Variants in UNCX observed in about 807,000 individuals in gnomAD.
UNCX encodes UNC homeobox, also known as homeobox protein unc-4 homolog.
A neutral mutation model predicts 14.8 loss-of-function variants in UNCX; 4 were observed. The observed-to-expected ratio is 0.27, with a 90% CI of 0.13 to 0.62. UNCX has a LOEUF of 0.62. Ranked by LOEUF, UNCX falls within the 20% of genes least tolerant of loss-of-function variation. The pLI is 0.86. For missense variants in UNCX, 749 were observed against 786.8 expected, an observed-to-expected ratio of 0.95 and a Z score of 0.58; for synonymous variants, 459 against 395.8, an observed-to-expected ratio of 1.16 and a Z score of -1.90.
rs1192605247 is a variant in UNCX at position 1,234,000 on chromosome 7, A to G, written c.450+305A>G. Reference sequence around the variant, plus strand: ...TGGTGGGTTGGCGGAGGCCGGGCCAAGTGAGGTCTCCAGGCAGGGGCGAGG... The same window carrying G: ...TGGTGGGTTGGCGGAGGCCGGGCCAGGTGAGGTCTCCAGGCAGGGGCGAGG... On this transcript the variant is annotated intron_variant, in intron 2 of 2. Coordinates refer to ENST00000316333, the MANE Select transcript of UNCX (RefSeq NM_001080461.3). The surrounding 1 kb of genome is among the most constrained non-coding windows in gnomAD (Gnocchi z 5.3). Among the ~76,000 whole-genome samples the G allele has an allele frequency of 1.3e-5, 2 of 152,122 alleles. No individual in the cohort carries two copies. Among genetic ancestry groups the G allele is most frequent in the Non-Finnish European group, 2.9e-5 (2 of 68,016 alleles).
rs1215931549 is a variant in UNCX at position 1,236,435 on chromosome 7, G to A, written c.1054G>A (p.Ala352Thr). The change falls in exon 3 of 3, where the codon GCC becomes ACC. Residue 352 changes from alanine to threonine, a missense_variant. Ala to Thr is a moderately conservative substitution (Grantham distance 58). Transcript: ENST00000316333. The surrounding 1 kb of genome is among the most constrained non-coding windows in gnomAD (Gnocchi z 6.9). The part of the protein sequence containing the change: ...PPRRKAASNA[A>T]AAAAAGLDFA... ...GCGCCGGAAAGCCGCTTCCAACGCC[G>A]CCGCCGCCGCCGCCGCGGGGCTGGA... is the stretch of plus-strand genomic sequence containing the variant. 2.2e-6 allele frequency: 3 copies of A among 1,355,528 alleles called. No individual in the cohort carries two copies. The highest frequency in any genetic ancestry group is 3.3e-5 in the Admixed American group (1 of 30,602). 84.0% of individuals were successfully genotyped at this position (1,355,528 alleles called of 1,614,324 possible).
In UNCX at chr7:1,236,106, T is replaced by G; in HGVS notation, c.725T>G (p.Leu242Arg). Residue 242 changes from leucine to arginine, a missense_variant, in exon 3 of 3, where the codon CTG (leucine) becomes CGG (arginine). This residue lies in a region of UNCX where 552 missense variants were observed against 507.2 expected (regional missense o/e 1.09). Coordinates refer to ENST00000316333, the MANE Select transcript of UNCX (RefSeq NM_001080461.3). The surrounding 1 kb of genome is among the most constrained non-coding windows in gnomAD (Gnocchi z 6.9). ...SSDSDSGGGG[L>R]SPEPPEPPPP... ...GACAGCGACAGCGGCGGCGGCGGCC[T>G]GTCTCCGGAGCCGCCCGAGCCGCCG... The G allele has an allele frequency of 6.6e-7, 1 of 1,506,600 alleles. No individual in the cohort carries two copies. The highest frequency in any genetic ancestry group is 8.9e-7 in the Non-Finnish European group (1 of 1,124,976). The allele number at this position is 1,506,600 out of a possible 1,614,324, so 93.3% of individuals were successfully genotyped here.
At position 1,236,491 on chromosome 7, in the gene UNCX, G is replaced by T; in HGVS notation, c.1110G>T (p.Arg370=). ...DFAPGLPCAP[R]TLIGKGHFLL... ...CGCCCGGGCTGCCGTGCGCGCCGCG[G>T]ACCCTGATCGGCAAGGGCCACTTCC... Residue 370 remains arginine, a synonymous_variant, in exon 3 of 3, where the codon CGG becomes CGT. Transcript: ENST00000316333. This position sits in a 1 kb window ranked among gnomAD's most constrained non-coding sequence, Gnocchi z 6.9. 1 of 1,401,226 alleles carries T rather than the reference G, an allele frequency of 7.1e-7. No individual in the cohort carries two copies. The highest frequency in any genetic ancestry group is 1.4e-5 in the South Asian group (1 of 72,832). The allele number at this position is 1,401,226 out of a possible 1,614,324, so 86.8% of individuals were successfully genotyped here. A position where few individuals can be genotyped will look rare whatever the true frequency, so the allele number is the denominator to read the frequency against.
Position 1,236,549 on chromosome 7 carries a change from C to G in UNCX, c.1168C>G (p.Leu390Val). The G allele has an allele frequency of 7.3e-7, 1 of 1,372,936 alleles. No individual in the cohort carries two copies. The highest frequency in any genetic ancestry group is 9.5e-7 in the Non-Finnish European group (1 of 1,053,550). The allele number at this position is 1,372,936 out of a possible 1,614,324, so 85.0% of individuals were successfully genotyped here. ...LYPITQPLGF[L>V]VPQAALKGGA... ...CCCCATCACGCAGCCGCTCGGCTTC[C>G]TGGTGCCGCAGGCCGCGCTCAAGGG... The change falls in exon 3 of 3, where the codon CTG becomes GTG. Residue 390 changes from leucine to valine, a missense_variant. Leu to Val is a conservative substitution (Grantham distance 32). Coordinates refer to ENST00000316333, the MANE Select transcript of UNCX (RefSeq NM_001080461.3). This position sits in a 1 kb window ranked among gnomAD's most constrained non-coding sequence, Gnocchi z 6.9.
Position 1,236,512 on chromosome 7 carries a change from CT to C in UNCX, c.1133del (p.Phe378SerfsTer164). On this transcript the variant is annotated frameshift_variant, in exon 3 of 3. Coordinates refer to ENST00000316333, the MANE Select transcript of UNCX (RefSeq NM_001080461.3). LOFTEE classifies it low-confidence loss of function (END_TRUNC). This position sits in a 1 kb window ranked among gnomAD's most constrained non-coding sequence, Gnocchi z 6.9. ...APRTLIGKGH[F>X]LLYPITQPLG... ...CGCGGACCCTGATCGGCAAGGGCCA[CT>C]TCCTCCTCTACCCCATCACGCAGCC... 1 of 1,410,284 alleles carries C rather than the reference CT, an allele frequency of 7.1e-7. No individual in the cohort carries two copies. Among genetic ancestry groups the C allele is most frequent in the Non-Finnish European group, 9.3e-7 (1 of 1,077,560 alleles). The allele number at this position is 1,410,284 out of a possible 1,614,324, so 87.4% of individuals were successfully genotyped here.
At chr7:1,235,551 A>T (rs1778723341) in intron 2 of UNCX, among the ~76,000 whole-genome samples, 1 of 152,182 alleles carries the variant, frequency 6.6e-6, no homozygotes, top group Non-Finnish European at 1.5e-5. Flanking sequence ...CCGGCCCCCC[A>T]AGTAAGGGGC....
Position 1,236,510 on chromosome 7 carries a change from C to A in UNCX, c.1129C>A (p.His377Asn). The A allele has an allele frequency of 7.1e-7, 1 of 1,409,952 alleles. No homozygotes were observed. Among genetic ancestry groups the A allele is most frequent in the Admixed American group, 2.4e-5 (1 of 42,532 alleles). 87.3% of individuals were successfully genotyped at this position (1,409,952 alleles called of 1,614,324 possible). A position where few individuals can be genotyped will look rare whatever the true frequency, so the allele number is the denominator to read the frequency against. The change falls in exon 3 of 3, where the codon CAC becomes AAC. Residue 377 changes from histidine (H) to asparagine (N), a missense_variant. Around this residue, in one of 3 missense-constraint regions of UNCX, gnomAD observed 552 missense variants for 507.2 expected, o/e 1.09. Transcript: ENST00000316333. This position sits in a 1 kb window ranked among gnomAD's most constrained non-coding sequence, Gnocchi z 6.9. ...CAPRTLIGKG[H>N]FLLYPITQPL... ...GCCGCGGACCCTGATCGGCAAGGGCCACTTCCTCCTCTACCCCATCACGCA... is the reference window on the plus strand; with the variant it reads ...GCCGCGGACCCTGATCGGCAAGGGCAACTTCCTCCTCTACCCCATCACGCA...
chr7:1,235,721 G>A (rs944106534), intron 2 of UNCX, 111 bp from the exon 3 acceptor site: 50 of 1,004,548 alleles, frequency 5.0e-5, no homozygotes, highest in Non-Finnish European at 6.8e-5. Context: ...CTCCTGCCCC[G>A]GCCGAGCGGA....
Position 1,236,888 on chromosome 7 carries a change from G to T in UNCX, c.1507G>T (p.Ala503Ser). 8.9e-7 allele frequency: 1 copy of T among 1,119,988 alleles called. No homozygotes were observed. The highest frequency in any genetic ancestry group is 1.1e-6 in the Non-Finnish European group (1 of 917,394). The allele number at this position is 1,119,988 out of a possible 1,614,324, so 69.4% of individuals were successfully genotyped here. The change falls in exon 3 of 3, where the codon GCC becomes TCC. Residue 503 changes from alanine to serine, a missense_variant. Physicochemically the swap from Ala to Ser is moderately conservative, Grantham distance 99 (BLOSUM62 1). Around this residue, in one of 3 missense-constraint regions of UNCX, gnomAD observed 552 missense variants for 507.2 expected, o/e 1.09. Coordinates refer to ENST00000316333, the MANE Select transcript of UNCX (RefSeq NM_001080461.3). This position sits in a 1 kb window ranked among gnomAD's most constrained non-coding sequence, Gnocchi z 6.9. Reference sequence around the variant, plus strand: ...GCCCGGCCCTCGGCCTCCCAGCCCCGCCGAGGAGCCGGCCACCTGCGGGGT... The same window carrying T: ...GCCCGGCCCTCGGCCTCCCAGCCCCTCCGAGGAGCCGGCCACCTGCGGGGT... Reference protein sequence around the residue: ...PRPGPRPPSPAEEPATCGVPE... With the variant: ...PRPGPRPPSPSEEPATCGVPE...
Position 1,232,896 on chromosome 7 carries a change from A to G in UNCX, c.-122A>G. 1 of 385,382 alleles carries G rather than the reference A, an allele frequency of 2.6e-6. No individual in the cohort carries two copies. Among genetic ancestry groups the G allele is most frequent in the Non-Finnish European group, 3.5e-6 (1 of 282,648 alleles). The allele number at this position is 385,382 out of a possible 1,614,324, so 23.9% of individuals were successfully genotyped here. On this transcript the variant is annotated 5_prime_UTR_variant, in exon 1 of 3. An upstream start codon of the reference 5' UTR is lost. Coordinates refer to ENST00000316333, the MANE Select transcript of UNCX (RefSeq NM_001080461.3). ...TAAAGCGCCGGAGTGCGGGCGAAGC[A>G]TGTGTGGGGCTCCGGGTCCCTGTCT...
rs1778680726 is a variant in UNCX at position 1,233,365 on chromosome 7, G to A, written c.274+74G>A. 1 of 1,347,522 alleles carries A rather than the reference G, an allele frequency of 7.4e-7. No individual in the cohort carries two copies. Among genetic ancestry groups the A allele is most frequent in the South Asian group, 1.8e-5 (1 of 54,442 alleles). 83.5% of individuals were successfully genotyped at this position (1,347,522 alleles called of 1,614,324 possible). A position where few individuals can be genotyped will look rare whatever the true frequency, so the allele number is the denominator to read the frequency against. On this transcript the variant is annotated intron_variant, in intron 1 of 2. Transcript: ENST00000316333. The surrounding 1 kb of genome is among the most constrained non-coding windows in gnomAD (Gnocchi z 5.3). Reference sequence around the variant, plus strand: ...GGCCCTGGTCCGGCCGAGGCGCTGGGGGGCCCGGGGCTGGCGAAGGAGAGC... The same window carrying A: ...GGCCCTGGTCCGGCCGAGGCGCTGGAGGGCCCGGGGCTGGCGAAGGAGAGC...
At position 1,233,307 on chromosome 7, in the gene UNCX, G is replaced by C. The variant is rs1778679615; in HGVS notation, c.274+16G>C. 2 of 1,313,148 alleles carry C rather than the reference G, an allele frequency of 1.5e-6. No homozygotes were observed. The highest frequency in any genetic ancestry group is 3.2e-5 in the East Asian group (1 of 31,338). The allele number at this position is 1,313,148 out of a possible 1,614,324, so 81.3% of individuals were successfully genotyped here. ...AAGCTGTCAGGTAGGCGCGGCGGGC[G>C]GGAGGGCGGGGAGGAGTGCGGCTGG... is the stretch of plus-strand genomic sequence containing the variant. On this transcript the variant is annotated intron_variant, in intron 1 of 2. Transcript: ENST00000316333. The surrounding 1 kb of genome is among the most constrained non-coding windows in gnomAD (Gnocchi z 5.3).
intron 2 of UNCX, 29 bp from the exon 3 acceptor site, chr7:1,235,803 G>T: frequency 1.3e-6 from 2 of 1,591,208 alleles, no homozygotes; most frequent in South Asian, 2.2e-5. Context: ...CCTGATTGTG[G>T]CTTCCTCTCC....
Position 1,235,993 on chromosome 7 carries a change from G to A in UNCX, c.612G>A (p.Lys204=), listed in dbSNP as rs761106629. 2 of 1,609,934 alleles carry A rather than the reference G, an allele frequency of 1.2e-6. No homozygotes were observed. The change falls in exon 3 of 3, where the codon AAG becomes AAA. Residue 204 remains lysine (K), a synonymous_variant. Coordinates refer to ENST00000316333, the MANE Select transcript of UNCX (RefSeq NM_001080461.3). ...RKELEKMEKK[K]RKHEKKLLKS... ...AGCTGGAGAAGATGGAGAAGAAGAA[G>A]CGCAAGCACGAGAAGAAGCTGCTGA...
Position 1,236,734 on chromosome 7 carries a change from G to A in UNCX, c.1353G>A (p.Gly451=), listed in dbSNP as rs1264344639. ...RRSPDAVASP[G]APAPAPAPFR... ...GCCCCGACGCCGTCGCCTCCCCGGG[G>A]GCCCCAGCCCCGGCCCCGGCGCCTT... The change falls in exon 3 of 3, where the codon GGG becomes GGA. Residue 451 remains glycine, a synonymous_variant. Coordinates refer to ENST00000316333, the MANE Select transcript of UNCX (RefSeq NM_001080461.3). This position sits in a 1 kb window ranked among gnomAD's most constrained non-coding sequence, Gnocchi z 6.9. 3.0e-6 allele frequency: 3 copies of A among 991,688 alleles called. No homozygotes were observed. Among genetic ancestry groups the A allele is most frequent in the Non-Finnish European group, 3.6e-6 (3 of 835,810 alleles). The allele number at this position is 991,688 out of a possible 1,614,324, so 61.4% of individuals were successfully genotyped here. A position where few individuals can be genotyped will look rare whatever the true frequency, so the allele number is the denominator to read the frequency against.
intron 2 of UNCX, 137 bp from the exon 3 acceptor site, chr7:1,235,695 C>G: frequency 1.3e-6 from 1 of 764,208 alleles, no homozygotes; most frequent in Non-Finnish European, 2.1e-6. Context: ...AGGGCCCGCT[C>G]GGCCGCGCGG....
Position 1,233,425 on chromosome 7 carries a change from C to CCG in UNCX, c.275-94_275-93dup. 2 of 1,383,196 alleles carry CCG rather than the reference C, an allele frequency of 1.4e-6. No individual in the cohort carries two copies. Among genetic ancestry groups the CCG allele is most frequent in the South Asian group, 1.6e-5 (1 of 61,004 alleles). The allele number at this position is 1,383,196 out of a possible 1,614,324, so 85.7% of individuals were successfully genotyped here. A position where few individuals can be genotyped will look rare whatever the true frequency, so the allele number is the denominator to read the frequency against. ...GGCGGCCGTCTCTGCGCCCCCCCCCCCGGATCCAGGCGGCCAGCGGGTAGC... is the reference window on the plus strand; with the variant it reads ...GGCGGCCGTCTCTGCGCCCCCCCCCCCGCGGATCCAGGCGGCCAGCGGGTAGC... On this transcript the variant is annotated intron_variant, in intron 1 of 2. Transcript: ENST00000316333. The surrounding 1 kb of genome is among the most constrained non-coding windows in gnomAD (Gnocchi z 5.3).
chr7:1,235,051 G>C (rs924193057), intron 2 of UNCX, among the ~76,000 whole-genome samples: 1 of 152,214 alleles, frequency 6.6e-6, no homozygotes. Context: ...GGCTCCCCAG[G>C]ACAAGGACTG....
rs1778745786 is a variant in UNCX at position 1,236,526 on chromosome 7, C to T, written c.1145C>T (p.Pro382Leu). 2.9e-6 allele frequency: 4 copies of T among 1,401,216 alleles called. No individual in the cohort carries two copies. The highest frequency in any genetic ancestry group is 3.7e-6 in the Non-Finnish European group (4 of 1,070,860). 86.8% of individuals were successfully genotyped at this position (1,401,216 alleles called of 1,614,324 possible). Residue 382 changes from proline to leucine, a missense_variant, in exon 3 of 3, where the codon CCC becomes CTC. Around this residue, in one of 3 missense-constraint regions of UNCX, gnomAD observed 552 missense variants for 507.2 expected, o/e 1.09. Transcript: ENST00000316333. This position sits in a 1 kb window ranked among gnomAD's most constrained non-coding sequence, Gnocchi z 6.9. ...LIGKGHFLLYPITQPLGFLVP... is the reference protein window; with the variant it reads ...LIGKGHFLLYLITQPLGFLVP... ...GGCAAGGGCCACTTCCTCCTCTACC[C>T]CATCACGCAGCCGCTCGGCTTCCTG... is the stretch of plus-strand genomic sequence containing the variant.
Sources: gnomAD v4.1 joint callset for allele counts (sites outside exome capture counted in the v4.1 genomes callset) on GRCh38, gnomAD v4.1.1 for gene constraint, gnomAD v4.1.1 regional missense constraint, Gnocchi (gnomAD v3.1) non-coding constraint, MANE v1.5 for transcripts, NCBI Gene and HGNC (gene_info 2026-07-23, HGNC 2026-07-21) for gene names.